RNF13: variants seen among roughly 807,000 people sequenced by gnomAD.
RNF13 encodes ring finger protein 13, also known as E3 ubiquitin-protein ligase RNF13.
RNF13 carries 19 observed loss-of-function variants against 37.7 expected under a neutral mutation model. That is an observed-to-expected ratio of 0.50 (90% CI 0.35 to 0.74). The LOEUF is 0.74. Among genes scored for constraint, RNF13 ranks in the 30% least tolerant of loss-of-function variants. The pLI, the probability that RNF13 is intolerant of heterozygous loss-of-function variation, is 0.01. For missense variants in RNF13, 375 were observed against 453.0 expected, an observed-to-expected ratio of 0.83 and a Z score of 1.56; for synonymous variants, 144 against 157.8, an observed-to-expected ratio of 0.91 and a Z score of 0.65.
chr3:149,874,812 A>G (rs919005786), intron 4 of RNF13, among the ~76,000 whole-genome samples: 6 of 152,150 alleles, frequency 3.9e-5, no homozygotes, highest in South Asian at 4.1e-4. Context: ...CATTATGGGT[A>G]CTGGGAAAAC....
Position 149,852,608 on chromosome 3 carries a change from G to A in RNF13, c.195+12G>A. The A allele has an allele frequency of 1.5e-6, 2 of 1,343,766 alleles. No individual in the cohort carries two copies. Among genetic ancestry groups the A allele is most frequent in the Non-Finnish European group, 2.1e-6 (2 of 968,654 alleles). 83.2% of individuals were successfully genotyped at this position (1,343,766 alleles called of 1,614,324 possible). On this transcript the variant is annotated intron_variant, in intron 3 of 9. Transcript: ENST00000392894. ...CTGAAGGTTTAAAGGTAAGACAGTT[G>A]GTAATACATTGTAAAGACACAAGGT... is the stretch of plus-strand genomic sequence containing the variant.
rs190826976 is a variant in RNF13 at position 149,837,865 on chromosome 3, A to G, written c.-16-8146A>G. On this transcript the variant is annotated intron_variant, in intron 1 of 9. Coordinates refer to ENST00000392894, the MANE Select transcript of RNF13 (RefSeq NM_183381.3). ...CTTAATTCATTTCAGCATTAACTCA[A>G]AAGTCCACATTCCAATGTCTCATCT... is the stretch of plus-strand genomic sequence containing the variant. Among the ~76,000 whole-genome samples the G allele has an allele frequency of 5.3e-5, 8 of 152,256 alleles. No homozygotes were observed. In the East Asian group the frequency reaches 5.8e-4, roughly 11 times the overall value.
chr3:149,940,856 C>T (rs991117099), intron 8 of RNF13, among the ~76,000 whole-genome samples: 2 of 152,056 alleles, frequency 1.3e-5, no homozygotes, highest in African/African-American at 4.8e-5. Context: ...CCCTCTTTCT[C>T]TTCTCTCCAG....
intron 8 of RNF13, among the ~76,000 whole-genome samples, chr3:149,953,059 C>A (rs1240691416): frequency 6.6e-6 from 1 of 151,712 alleles, no homozygotes; most frequent in African/African-American, 2.4e-5. Flanking sequence ...CAAGTTAGAC[C>A]CAATAAAGAG....
At chr3:149,843,531 C>T (rs554284882) in intron 1 of RNF13, among the ~76,000 whole-genome samples, 7 of 152,212 alleles carry the variant, frequency 4.6e-5, no homozygotes, top group African/African-American at 9.6e-5. Context: ...GCAAAAAACC[C>T]TCAAAACATG....
intron 6 of RNF13, among the ~76,000 whole-genome samples, chr3:149,909,275 A>AC (rs1716735947): frequency 1.3e-5 from 2 of 148,838 alleles, no homozygotes; most frequent in Admixed American, 6.7e-5. Context: ...GATGCTCAAA[A>AC]CCTTTTTTTT....
At chr3:149,874,295 GAC>G (rs1239009106) in intron 4 of RNF13, among the ~76,000 whole-genome samples, 1 of 152,098 alleles carries the variant, frequency 6.6e-6, no homozygotes, top group African/African-American at 2.4e-5. Context: ...TTATAGGGGA[GAC>G]ACAATGATTA....
chr3:149,862,807 C>T (rs1258232668), intron 3 of RNF13, among the ~76,000 whole-genome samples: 1 of 152,128 alleles, frequency 6.6e-6, no homozygotes, highest in African/African-American at 2.4e-5. Context: ...ACAATATCCA[C>T]AACTGGCAAG....
At chr3:149,951,098 A>G (rs74441864) in intron 8 of RNF13, among the ~76,000 whole-genome samples, 2,092 of 152,250 alleles carry the variant, frequency 0.014, 49 homozygotes, top group African/African-American at 0.047. Flanking sequence ...GGTAAAACTC[A>G]AAAAAGCACT....
At chr3:149,851,695 C>T (rs1723134364) in intron 2 of RNF13, 1 of 152,088 alleles carries the variant, frequency 6.6e-6, no homozygotes, top group Non-Finnish European at 1.5e-5. Context: ...ATCATTTTCA[C>T]TTGTGTTTCA....
At chr3:149,853,455 GGAGAGAGAGAGA>G (rs397842025) in intron 3 of RNF13, among the ~76,000 whole-genome samples, 2,702 of 117,292 alleles carry the variant, frequency 0.023, 77 homozygotes, top group African/African-American at 0.081. Context: ...AGAGAGAGAG[GGAGAGAGAGAGA>G]GAGAGAGAGA....
chr3:149,851,107 G>C (rs1220605855), intron 2 of RNF13: 1 of 152,186 alleles, frequency 6.6e-6, no homozygotes, highest in African/African-American at 2.4e-5. Context: ...GAGAGGCAAA[G>C]GTATAAGATG....
intron 6 of RNF13, among the ~76,000 whole-genome samples, chr3:149,907,967 A>G (rs556241037): frequency 6.6e-6 from 1 of 152,336 alleles, no homozygotes; most frequent in African/African-American, 2.4e-5. Context: ...GTTTCCACCA[A>G]CATTTTAGGA....
intron 8 of RNF13, among the ~76,000 whole-genome samples, chr3:149,936,610 TA>T (rs1217819284): frequency 6.6e-6 from 1 of 152,112 alleles, no homozygotes; most frequent in East Asian, 1.9e-4. Flanking sequence ...GGTAAGTTTC[TA>T]AAGTGTTTTA....
At chr3:149,857,372 C>T (rs1723760590) in intron 3 of RNF13, among the ~76,000 whole-genome samples, 1 of 152,096 alleles carries the variant, frequency 6.6e-6, no homozygotes, top group African/African-American at 2.4e-5. Context: ...AAATGTAAAT[C>T]TTTTCATGGA....
intron 6 of RNF13, among the ~76,000 whole-genome samples, chr3:149,911,433 G>A (rs1168140895): frequency 1.3e-5 from 2 of 152,108 alleles, no homozygotes; most frequent in East Asian, 1.9e-4. Context: ...CAAGGCAGGC[G>A]AATCACCTGA....
At chr3:149,921,773 T>A (rs575284351) in intron 8 of RNF13, among the ~76,000 whole-genome samples, 4 of 152,266 alleles carry the variant, frequency 2.6e-5, no homozygotes, top group South Asian at 4.1e-4. Context: ...TGTGCATGTG[T>A]CTTTATAGTA....
intron 4 of RNF13, among the ~76,000 whole-genome samples, chr3:149,880,884 G>A (rs188895224): frequency 6.6e-6 from 1 of 152,188 alleles, no homozygotes; most frequent in Non-Finnish European, 1.5e-5. Context: ...ATCTATATGA[G>A]TGAGTTTCAA....
chr3:149,960,825 A>G lies in RNF13; in HGVS notation c.867A>G (p.Gln289=). The G allele has an allele frequency of 6.2e-7, 1 of 1,614,210 alleles. No homozygotes were observed. Among genetic ancestry groups the G allele is most frequent in the Non-Finnish European group, 8.5e-7 (1 of 1,180,038 alleles). Residue 289 remains glutamine (Q), a synonymous_variant, in exon 10 of 10, where the codon CAA becomes CAG. Coordinates refer to ENST00000392894, the MANE Select transcript of RNF13 (RefSeq NM_183381.3). ...PVCKQKVVPS[Q]GDSDSDTDSS... is the part of the protein sequence containing the mutation. ...GCAAGCAAAAAGTTGTTCCTTCTCAAGGCGATTCAGACTCTGACACAGACA... is the reference window on the plus strand; with the variant it reads ...GCAAGCAAAAAGTTGTTCCTTCTCAGGGCGATTCAGACTCTGACACAGACA...
Sources: gnomAD v4.1 joint callset for allele counts (sites outside exome capture counted in the v4.1 genomes callset) on GRCh38, gnomAD v4.1.1 for gene constraint, MANE v1.5 for transcripts, NCBI Gene and HGNC (gene_info 2026-07-23, HGNC 2026-07-21) for gene names.